Variants in LOXHD1 observed in about 807,000 individuals in gnomAD.
LOXHD1 encodes the protein lipoxygenase homology PLAT domains 1, also known as lipoxygenase homology domain-containing protein 1.
In LOXHD1, 205 loss-of-function variants were observed where a neutral mutation model predicts 248.2. The observed-to-expected ratio is 0.83, with a 90% CI of 0.74 to 0.93. The LOEUF is 0.93. LOXHD1 is among the 40% of genes least tolerant of loss of function. The pLI is 0.00. For synonymous variants in LOXHD1, 1,113 were observed against 1,162.8 expected, an observed-to-expected ratio of 0.96 and a Z score of 0.87; for missense variants, 2,930 against 2,971.6, an observed-to-expected ratio of 0.99 and a Z score of 0.33.
chr18:46,651,232 T>G (rs1359547288), intron 1 of LOXHD1, among the ~76,000 whole-genome samples: 1 of 151,998 alleles, frequency 6.6e-6, no homozygotes, highest in Non-Finnish European at 1.5e-5. Flanking sequence ...GACCTTTTGA[T>G]CTCCTTGGTT....
intron 37 of LOXHD1, among the ~76,000 whole-genome samples, chr18:46,498,400 T>C (rs1463633200): frequency 6.6e-6 from 1 of 152,234 alleles, no homozygotes; most frequent in Admixed American, 6.5e-5. Flanking sequence ...TTCCCTACTA[T>C]ATTATTTTCC....
At chr18:46,596,814 C>T (rs1568209212) in intron 8 of LOXHD1, among the ~76,000 whole-genome samples, 2 of 152,132 alleles carry the variant, frequency 1.3e-5, no homozygotes, top group African/African-American at 4.8e-5. Context: ...CCAGAAGATA[C>T]TGGGGAGGAA....
intron 6 of LOXHD1, among the ~76,000 whole-genome samples, chr18:46,608,830 G>C (rs992976425): frequency 2.0e-5 from 3 of 152,214 alleles, no homozygotes; most frequent in Non-Finnish European, 4.4e-5. Flanking sequence ...GAGCTAGGGA[G>C]GTGCCCTCAA....
At position 46,579,649 on chromosome 18, in the gene LOXHD1, T is replaced by C. The variant is rs1441714741; in HGVS notation, c.1790A>G (p.Asp597Gly). ...RLLYNCRNNT[D>G]LFEKGNADEF... ...ACTTACATTGCCCTTTTCAAACAGGTCTGTGTTATTCCTGCAGTTGTAGAG... is the reference window on the plus strand; with the variant it reads ...ACTTACATTGCCCTTTTCAAACAGGCCTGTGTTATTCCTGCAGTTGTAGAG... Residue 597 changes from aspartate to glycine, a missense_variant, in exon 13 of 41, where the codon GAC becomes GGC. Transcript: ENST00000642948. The C allele has an allele frequency of 1.3e-6, 2 of 1,551,476 alleles. No homozygotes were observed. The highest frequency in any genetic ancestry group is 1.7e-6 in the Non-Finnish European group (2 of 1,146,964).
intron 37 of LOXHD1, among the ~76,000 whole-genome samples, chr18:46,492,472 C>A (rs1332517089): frequency 6.6e-6 from 1 of 152,212 alleles, no homozygotes; most frequent in Non-Finnish European, 1.5e-5. Flanking sequence ...ATGAAACCAT[C>A]AGATCTTGTG....
In LOXHD1 at chr18:46,572,094, G is replaced by A; in HGVS notation, c.2039C>T (p.Thr680Ile). 1 of 1,551,806 alleles carries A rather than the reference G, an allele frequency of 6.4e-7. No individual in the cohort carries two copies. The highest frequency in any genetic ancestry group is 8.7e-7 in the Non-Finnish European group (1 of 1,146,996). Residue 680 changes from threonine (T) to isoleucine (I), a missense_variant, in exon 15 of 41, where the codon ACA becomes ATA. Coordinates refer to ENST00000642948, the MANE Select transcript of LOXHD1 (RefSeq NM_001384474.1). ...RELLPSDSSA[T>I]LKNFRYHISL... Reference sequence around the variant, plus strand: ...TCATCAGGACAACTCACTCTTCAGTGTCGCGCTGCTGTCACTGGGTAGCAA... The same window carrying A: ...TCATCAGGACAACTCACTCTTCAGTATCGCGCTGCTGTCACTGGGTAGCAA...
At chr18:46,488,353 G>C (rs1306079841) in intron 38 of LOXHD1, among the ~76,000 whole-genome samples, 1 of 152,152 alleles carries the variant, frequency 6.6e-6, no homozygotes, top group Non-Finnish European at 1.5e-5. Context: ...TGAGATTTAG[G>C]GGTTTGCCTC....
In LOXHD1 at chr18:46,501,061, G is replaced by A. The variant is rs571300414; in HGVS notation, c.5878+4777C>T. Among the ~76,000 whole-genome samples, 5 of 152,276 alleles carry A rather than the reference G, an allele frequency of 3.3e-5. No individual in the cohort carries two copies. In the East Asian group the frequency reaches 9.6e-4, roughly 29 times the overall value. On this transcript the variant is annotated intron_variant, in intron 37 of 40. Coordinates refer to ENST00000642948, the MANE Select transcript of LOXHD1 (RefSeq NM_001384474.1). ...CCAGATGACAGGAATCTTGTCTGCT[G>A]CTCCCTACTCTGTCCCTAGCACTGA...
At chr18:46,653,989 AAT>A (rs1220693057) in intron 1 of LOXHD1, among the ~76,000 whole-genome samples, 1 of 152,212 alleles carries the variant, frequency 6.6e-6, no homozygotes, top group Non-Finnish European at 1.5e-5. Context: ...CTATAGTTTG[AAT>A]ATGTCCCCTC....
chr18:46,489,126 C>G lies in LOXHD1; in HGVS notation c.5895G>C (p.Trp1965Cys), dbSNP rs2033284742. The G allele has an allele frequency of 1.9e-6, 3 of 1,551,664 alleles. No individual in the cohort carries two copies. The East Asian group carries it at 7.3e-5, about 38-fold the overall frequency. Residue 1965 changes from tryptophan (W) to cysteine (C), a missense_variant, in exon 38 of 41, where the codon TGG (tryptophan) becomes TGC (cysteine). Transcript: ENST00000642948. The stretch of plus-strand genomic sequence containing the variant: ...CCTTCACATCGACATAGCTCAGATG[C>G]CAGCCAGGAAATATCCCTGTGGAAA... ...WHDNKGIFPG[W>C]HLSYVDVKDN...
chr18:46,480,087 A>G (rs1237989647), intron 40 of LOXHD1, among the ~76,000 whole-genome samples: 1 of 152,178 alleles, frequency 6.6e-6, no homozygotes, highest in Admixed American at 6.5e-5. Flanking sequence ...AGAGGAGGAG[A>G]TACTTGCATT....
rs954848778 is a variant in LOXHD1 at position 46,520,260 on chromosome 18, A to G, written c.5271+837T>C. 1.1e-5 allele frequency: 5 copies of G among 470,696 alleles called. No individual in the cohort carries two copies. In the East Asian group the frequency reaches 3.5e-4, roughly 33 times the overall value. The allele number at this position is 470,696 out of a possible 1,614,324, so 29.2% of individuals were successfully genotyped here. A position where few individuals can be genotyped will look rare whatever the true frequency, so the allele number is the denominator to read the frequency against. Reference sequence around the variant, plus strand: ...CCACTTCTGTTTCCATATACAATGTAGGCAGAGCACACTCAGGTCCAGGTG... The same window carrying G: ...CCACTTCTGTTTCCATATACAATGTGGGCAGAGCACACTCAGGTCCAGGTG... On this transcript the variant is annotated intron_variant, in intron 33 of 40. Transcript: ENST00000642948.
Position 46,541,951 on chromosome 18 carries a change from A to AGT in LOXHD1, c.3749-12_3749-11insAC. On this transcript the variant is annotated splice_polypyrimidine_tract_variant and intron_variant, in intron 24 of 40. Transcript: ENST00000642948. Reference sequence around the variant, plus strand: ...AGCCTGGGGCCTTGCCTAGAGAGAGAGGAGACACAAAACCCATCAAGGACC... The same window carrying AGT: ...AGCCTGGGGCCTTGCCTAGAGAGAGAGTGGAGACACAAAACCCATCAAGGACC... 1 of 1,547,938 alleles carries AGT rather than the reference A, an allele frequency of 6.5e-7. No individual in the cohort carries two copies. The highest frequency in any genetic ancestry group is 8.7e-7 in the Non-Finnish European group (1 of 1,144,758).
chr18:46,584,521 T>C (rs983926523), intron 12 of LOXHD1, among the ~76,000 whole-genome samples: 1 of 151,994 alleles, frequency 6.6e-6, no homozygotes, highest in Non-Finnish European at 1.5e-5. Flanking sequence ...TTACAATATG[T>C]CCATTAAAAA....
At chr18:46,622,510 G>A (rs541466007) in intron 4 of LOXHD1, among the ~76,000 whole-genome samples, 66 of 152,300 alleles carry the variant, frequency 4.3e-4, no homozygotes, top group Middle Eastern at 6.8e-3. Flanking sequence ...GAACTCTCAG[G>A]CACTGTTCTG....
At chr18:46,545,851 G>A (rs1444367810) in intron 22 of LOXHD1, among the ~76,000 whole-genome samples, 8 of 151,244 alleles carry the variant, frequency 5.3e-5, no homozygotes, top group Non-Finnish European at 8.8e-5. Flanking sequence ...GGATGGTCTC[G>A]ATCTCCTGAC....
chr18:46,540,393 G>A (rs540744035), intron 25 of LOXHD1, among the ~76,000 whole-genome samples: 4 of 152,298 alleles, frequency 2.6e-5, no homozygotes, highest in Admixed American at 2.0e-4. Context: ...CCTCGACCCT[G>A]CTGGGTGCTC....
intron 6 of LOXHD1, among the ~76,000 whole-genome samples, chr18:46,609,811 G>C (rs1019168025): frequency 6.6e-6 from 1 of 152,122 alleles, no homozygotes; most frequent in Admixed American, 6.6e-5. Flanking sequence ...TTTACTAGAA[G>C]GGATTACAGG....
chr18:46,656,550 C>T (rs573751342), intron 1 of LOXHD1, among the ~76,000 whole-genome samples: 1 of 152,312 alleles, frequency 6.6e-6, no homozygotes, highest in Non-Finnish European at 1.5e-5. Flanking sequence ...CAGTTCAGGG[C>T]GCTCTGCCTG....
Sources: allele counts gnomAD v4.1 joint callset (sites outside exome capture counted in the v4.1 genomes callset), GRCh38; gene constraint gnomAD v4.1.1; transcripts MANE v1.5; gene names NCBI Gene and HGNC (gene_info 2026-07-23, HGNC 2026-07-21).